The following PCDHA4 variants were observed in gnomAD, a reference collection of about 807,000 sequenced individuals.
PCDHA4 encodes protocadherin alpha-4.
PCDHA4 carries 49 observed loss-of-function variants against 61.4 expected under a neutral mutation model. That is an observed-to-expected ratio of 0.80 (90% CI 0.63 to 1.01). The LOEUF is 1.01. PCDHA4 is among the 50% of genes least tolerant of loss of function. PCDHA4 has a pLI of 0.00. For synonymous variants in PCDHA4, 590 were observed against 550.3 expected (o/e 1.07, Z -1.01); for missense variants, 1,254 against 1,235.8 (o/e 1.01, Z -0.22).
intron 1 of PCDHA4, among the ~76,000 whole-genome samples, chr5:140,917,270 T>C (rs782142831): frequency 2.6e-5 from 4 of 151,228 alleles, no homozygotes; most frequent in Admixed American, 6.6e-5. Context: ...GTTTGGTTTT[T>C]GTAATGACGC....
At chr5:140,924,903 AAATAAAATAAAATAAAAT>A (rs2082154741) in intron 1 of PCDHA4, among the ~76,000 whole-genome samples, 1 of 54,856 alleles carries the variant, frequency 1.8e-5, no homozygotes, top group Non-Finnish European at 3.6e-5. Flanking sequence ...TCAAAAAAAA[AAATAAAATAAAATAAAAT>A]AAAATAAAAT....
chr5:140,861,492 C>T (rs367687867), intron 1 of PCDHA4: 11 of 487,014 alleles, frequency 2.3e-5, no homozygotes, highest in Middle Eastern at 7.2e-4. Flanking sequence ...TGTGAGTTCT[C>T]TGATAGACCT....
At chr5:140,911,822 C>A (rs2075653935) in intron 1 of PCDHA4, among the ~76,000 whole-genome samples, 1 of 152,104 alleles carries the variant, frequency 6.6e-6, no homozygotes. Context: ...CTCCAGAAAC[C>A]CCAAAACCAA....
intron 1 of PCDHA4, chr5:140,841,522 G>A (rs2150317350): frequency 6.2e-7 from 1 of 1,613,598 alleles, no homozygotes; most frequent in South Asian, 1.1e-5. Flanking sequence ...TCCGGGTGGC[G>A]TCCAAAAGAC....
At chr5:141,000,950 T>C (rs781867970) in intron 3 of PCDHA4, among the ~76,000 whole-genome samples, 2 of 152,214 alleles carry the variant, frequency 1.3e-5, no homozygotes, top group Non-Finnish European at 2.9e-5. Flanking sequence ...ATTATCTTGC[T>C]GTAATTTAAG....
At chr5:140,836,290 C>A (rs2150256990) in intron 1 of PCDHA4, 1 of 1,613,742 alleles carries the variant, frequency 6.2e-7, no homozygotes, top group Non-Finnish European at 8.5e-7. Context: ...ACGACACGAG[C>A]CCTAGATGAG....
At chr5:140,939,987 C>T (rs2092516961) in intron 1 of PCDHA4, among the ~76,000 whole-genome samples, 1 of 152,060 alleles carries the variant, frequency 6.6e-6, no homozygotes. Flanking sequence ...TGAATTGTTT[C>T]TCCTTGGATT....
Position 140,821,968 on chromosome 5 carries a change from G to C in PCDHA4, c.2385+12396G>C, listed in dbSNP as rs1341114422. The C allele has an allele frequency of 1.5e-5, 25 of 1,614,068 alleles. No individual in the cohort carries two copies. The highest frequency in any genetic ancestry group is 2.0e-5 in the Non-Finnish European group (24 of 1,180,052). On this transcript the variant is annotated intron_variant, in intron 1 of 3. Coordinates refer to ENST00000530339, the MANE Select transcript of PCDHA4 (RefSeq NM_018907.4). ...GGAGCTGGTGCCGCGCCTGTTCCGGGTGGCGTCCAAGGGCCGCGGGGACCT... is the reference window on the plus strand; with the variant it reads ...GGAGCTGGTGCCGCGCCTGTTCCGGCTGGCGTCCAAGGGCCGCGGGGACCT...
chr5:140,865,412 A>C (rs1347341740), intron 1 of PCDHA4: 2 of 152,242 alleles, frequency 1.3e-5, no homozygotes, highest in Non-Finnish European at 2.9e-5. Context: ...AAAAGGAATT[A>C]GTAGTGTCTA....
chr5:140,831,150 G>C (rs2150192087), intron 1 of PCDHA4: 1 of 152,114 alleles, frequency 6.6e-6, no homozygotes, highest in African/African-American at 2.4e-5. Context: ...ATTTACTACC[G>C]ATCTAAATAA....
intron 1 of PCDHA4, chr5:140,862,278 C>G (rs1367349322): frequency 7.9e-6 from 2 of 252,960 alleles, no homozygotes; most frequent in Middle Eastern, 1.4e-3. Context: ...CTATCATTCC[C>G]TGTACAGGAG....
intron 1 of PCDHA4, chr5:140,830,076 C>T (rs2150180752): frequency 3.8e-5 from 61 of 1,613,536 alleles, no homozygotes; most frequent in Non-Finnish European, 4.8e-5. Context: ...CTGACAGCGA[C>T]GGCCACGGTT....
At chr5:140,836,966 T>G in intron 1 of PCDHA4, 1 of 388,302 alleles carries the variant, frequency 2.6e-6, no homozygotes, top group Non-Finnish European at 4.5e-6. Context: ...TGTTGGCTAC[T>G]CTCCATTTTT....
At chr5:140,870,552 G>T in intron 1 of PCDHA4, 4 of 1,614,042 alleles carry the variant, frequency 2.5e-6, no homozygotes, top group Non-Finnish European at 2.5e-6. Flanking sequence ...ACGCGGACGC[G>T]CAGGAGAACG....
intron 1 of PCDHA4, chr5:140,810,571 A>G (rs1355589368): frequency 1.3e-5 from 2 of 152,218 alleles, no homozygotes; most frequent in Non-Finnish European, 2.9e-5. Context: ...ATTTAAATGA[A>G]GTTGAGTACC....
intron 1 of PCDHA4, among the ~76,000 whole-genome samples, chr5:140,959,041 T>C (rs1291778863): frequency 2.6e-5 from 4 of 152,118 alleles, no homozygotes; most frequent in Non-Finnish European, 5.9e-5. Flanking sequence ...GGTATGTATG[T>C]ATAGGAAAAA....
Position 140,807,848 on chromosome 5 carries a change from G to A in PCDHA4, c.661G>A (p.Glu221Lys). Residue 221 changes from glutamate to lysine, a missense_variant, in exon 1 of 4, where the codon GAG becomes AAG. Glu to Lys is a moderately conservative substitution (Grantham distance 56, BLOSUM62 1). Transcript: ENST00000530339. ...VLTATDGGKP[E>K]LTGTVQLLIT... is the part of the protein sequence containing the mutation. The stretch of plus-strand genomic sequence containing the variant: ...CACAGCCACTGATGGAGGCAAACCC[G>A]AGTTGACTGGCACCGTTCAGTTACT... 1 of 1,614,172 alleles carries A rather than the reference G, an allele frequency of 6.2e-7. No individual in the cohort carries two copies. Among genetic ancestry groups the A allele is most frequent in the Middle Eastern group, 1.6e-4 (1 of 6,062 alleles).
At chr5:140,964,677 A>G (rs578237071) in intron 1 of PCDHA4, among the ~76,000 whole-genome samples, 11 of 152,090 alleles carry the variant, frequency 7.2e-5, no homozygotes, top group Non-Finnish European at 1.0e-4. Flanking sequence ...CAGGTCCACA[A>G]TTTGTGCACT....
At chr5:140,816,298 T>C (rs1765878212) in intron 1 of PCDHA4, 1 of 152,238 alleles carries the variant, frequency 6.6e-6, no homozygotes, top group Admixed American at 6.5e-5. Context: ...GTTGAACATG[T>C]CTGTAAAATT....
Sources: allele counts gnomAD v4.1 joint callset (sites outside exome capture counted in the v4.1 genomes callset), GRCh38; gene constraint gnomAD v4.1.1; transcripts MANE v1.5; gene names NCBI Gene and HGNC (gene_info 2026-07-23, HGNC 2026-07-21).